The following LANCL1 variants were observed in gnomAD, a reference collection of about 807,000 sequenced individuals.
LANCL1 encodes the protein LanC like glutathione S-transferase 1, also known as glutathione S-transferase LANCL1.
LANCL1 carries 50 observed loss-of-function variants against 50.6 expected under a neutral mutation model. The ratio of observed to expected loss-of-function variants is 0.99; its 90% CI spans 0.79 to 1.25. The LOEUF (loss-of-function observed/expected upper bound fraction) is 1.25, where lower values mean the gene tolerates loss of function less well. Ranked by LOEUF, LANCL1 falls within the 50% of genes most tolerant of loss-of-function variation. LANCL1 has a pLI of 0.00. For missense variants in LANCL1, 532 were observed against 480.7 expected, an observed-to-expected ratio of 1.11 and a Z score of -1.00; for synonymous variants, 188 against 178.6, an observed-to-expected ratio of 1.05 and a Z score of -0.42.
At chr2:210,476,891 G>T (rs945934604), upstream of LANCL1, 2 of 805,514 alleles carry the variant, frequency 2.5e-6, no homozygotes, top group Non-Finnish European at 3.0e-6. Flanking sequence ...TAATTACTGG[G>T]TAGCAGAAGT....
intron 4 of LANCL1, among the ~76,000 whole-genome samples, chr2:210,448,242 T>G (rs1693404755): frequency 6.6e-6 from 1 of 152,220 alleles, no homozygotes; most frequent in African/African-American, 2.4e-5. Flanking sequence ...AACCTGCTCC[T>G]GAATGACTAC....
In LANCL1 at chr2:210,441,982, G is replaced by A. The variant is rs141419879; in HGVS notation, c.408-539C>T. ...TGCAATGGCGTGATCTCGGCTCACC[G>A]CAACCTCCGCCTCCCAGGTTTAAGT... On this transcript the variant is annotated intron_variant, in intron 4 of 9. Coordinates refer to ENST00000450366, the MANE Select transcript of LANCL1 (RefSeq NM_006055.3). Among the ~76,000 whole-genome samples the A allele has an allele frequency of 9.0e-4, 136 of 150,898 alleles. 4 individuals carry two copies. The East Asian group carries it at 0.018, about 21-fold the overall frequency.
rs1302525887 is a variant in LANCL1, at chr2:210,476,319, C to T, written c.78G>A (p.Gly26=). 6.2e-7 allele frequency: 1 copy of T among 1,612,668 alleles called. No homozygotes were observed. The highest frequency in any genetic ancestry group is 1.7e-5 in the Admixed American group (1 of 60,012). The change falls in exon 2 of 10, where the codon GGG becomes GGA. Residue 26 remains glycine, a synonymous_variant. Coordinates refer to ENST00000450366, the MANE Select transcript of LANCL1 (RefSeq NM_006055.3). ...SLAEGYFDAA[G]RLTPEFSQRL... is the part of the protein sequence containing the mutation. The stretch of plus-strand genomic sequence containing the variant: ...GGCAGACATATCCTAAACTCACCCT[C>T]CCGGCAGCATCAAAGTAGCCTTCGG...
chr2:210,448,939 G>A (rs942155395), intron 4 of LANCL1, among the ~76,000 whole-genome samples: 22 of 152,112 alleles, frequency 1.4e-4, no homozygotes, highest in Admixed American at 5.2e-4. Context: ...AGGAGGAGCT[G>A]GTACCATTCC....
chr2:210,454,601 A>G lies in LANCL1; in HGVS notation c.407+506T>C, dbSNP rs560144907. 9.9e-5 allele frequency among the ~76,000 whole-genome samples: 15 copies of G among 152,084 alleles called. No homozygotes were observed. The East Asian group carries it at 1.9e-3, about 20-fold the overall frequency. On this transcript the variant is annotated intron_variant, in intron 4 of 9. Transcript: ENST00000450366. ...GAAAGAGTGCTTAATAAACTCTGGT[A>G]AGGCAACAATTAAAGTCTATTAGTA...
chr2:210,435,608 T>C, intron 8 of LANCL1, 149 bp from the exon 9 acceptor site: 1 of 662,270 alleles, frequency 1.5e-6, no homozygotes. Flanking sequence ...AAGGATGGTT[T>C]GAAAGAGTAC....
chr2:210,434,283 G>A lies in LANCL1; in HGVS notation c.*204C>T. 1 of 500,304 alleles carries A rather than the reference G, an allele frequency of 2.0e-6. No homozygotes were observed. Among genetic ancestry groups the A allele is most frequent in the Non-Finnish European group, 3.5e-6 (1 of 282,340 alleles). 31.0% of individuals were successfully genotyped at this position (500,304 alleles called of 1,614,324 possible). On this transcript the variant is annotated 3_prime_UTR_variant, in exon 10 of 10. Coordinates refer to ENST00000450366, the MANE Select transcript of LANCL1 (RefSeq NM_006055.3). ...CCTTTAGGAAGAAATGGAAATTAAA[G>A]TTAAAAGACTTCCTTGGATACTTCT...
At position 210,434,425 on chromosome 2, in the gene LANCL1, T is replaced by A. The variant is rs1692848331; in HGVS notation, c.*62A>T. On this transcript the variant is annotated 3_prime_UTR_variant, in exon 10 of 10. Transcript: ENST00000450366. The stretch of plus-strand genomic sequence containing the variant: ...TTCCTTGGAAAGCAACGGAAGCACT[T>A]AGCTTGGGTTTGAATATACAGAAAG... The A allele has an allele frequency of 1.6e-6, 2 of 1,285,184 alleles. No homozygotes were observed. Among genetic ancestry groups the A allele is most frequent in the Non-Finnish European group, 2.2e-6 (2 of 902,806 alleles). 79.6% of individuals were successfully genotyped at this position (1,285,184 alleles called of 1,614,324 possible).
At position 210,439,349 on chromosome 2, in the gene LANCL1, G is replaced by A. The variant is rs188756948; in HGVS notation, c.690+1249C>T. ...ATTTGTTTCAATGAAAGTTTGATGAGGCTGTCTAGTCACTAACCAACTATG... is the reference window on the plus strand; with the variant it reads ...ATTTGTTTCAATGAAAGTTTGATGAAGCTGTCTAGTCACTAACCAACTATG... On this transcript the variant is annotated intron_variant, in intron 6 of 9. Transcript: ENST00000450366. Among the ~76,000 whole-genome samples, 194 of 152,274 alleles carry A rather than the reference G, an allele frequency of 1.3e-3. 1 individual carries two copies. The highest frequency in any genetic ancestry group is 4.5e-3 in the African/African-American group (188 of 41,556).
chr2:210,437,614 G>T, intron 7 of LANCL1, 76 bp downstream of exon 7: 1 of 836,464 alleles, frequency 1.2e-6, no homozygotes, highest in South Asian at 3.1e-5. Context: ...TTCCTTTATG[G>T]ATTAGGATAA....
intron 4 of LANCL1, among the ~76,000 whole-genome samples, chr2:210,447,430 T>C (rs1034765037): frequency 4.6e-5 from 7 of 152,178 alleles, no homozygotes; most frequent in Non-Finnish European, 1.0e-4. Context: ...ATTGACACTA[T>C]GAAGAAACTG....
At chr2:210,475,982 T>C (rs1016075241) in intron 2 of LANCL1, among the ~76,000 whole-genome samples, 3 of 152,218 alleles carry the variant, frequency 2.0e-5, no homozygotes, top group Admixed American at 6.5e-5. Flanking sequence ...CACATGTGAA[T>C]ACCGTTAGGA....
chr2:210,451,588 A>G (rs1159478575), intron 4 of LANCL1, among the ~76,000 whole-genome samples: 2 of 152,218 alleles, frequency 1.3e-5, no homozygotes, highest in Admixed American at 6.5e-5. Flanking sequence ...ATTTCCATCA[A>G]TTATCTCAAA....
Position 210,434,237 on chromosome 2 carries a change from C to G in LANCL1, c.*250G>C. The G allele has an allele frequency of 2.5e-6, 1 of 407,298 alleles. No individual in the cohort carries two copies. Among genetic ancestry groups the G allele is most frequent in the Non-Finnish European group, 4.4e-6 (1 of 227,550 alleles). 25.2% of individuals were successfully genotyped at this position (407,298 alleles called of 1,614,324 possible). A position where few individuals can be genotyped will look rare whatever the true frequency, so the allele number is the denominator to read the frequency against. On this transcript the variant is annotated 3_prime_UTR_variant, in exon 10 of 10. Transcript: ENST00000450366. ...AATATATGTATACAATCTCAAAACA[C>G]TGTACATATCACTCACTCTCCCTTT...
intron 7 of LANCL1, 143 bp from the exon 8 acceptor site, chr2:210,436,535 T>G (rs1406659340): frequency 2.6e-6 from 2 of 771,982 alleles, no homozygotes; most frequent in Non-Finnish European, 4.1e-6. Context: ...ATGTGTTATG[T>G]TGCTAGTGAC....
rs1168499086 is a variant in LANCL1, at chr2:210,431,254, A to G, written c.*3233T>C. On this transcript the variant is annotated 3_prime_UTR_variant, in exon 10 of 10. Coordinates refer to ENST00000450366, the MANE Select transcript of LANCL1 (RefSeq NM_006055.3). ...AAACAAAAAGCACATGATGATATAT[A>G]GTCCTAATAAAATTTTATTGAGAAC... The G allele has an allele frequency of 1.3e-5, 2 of 152,260 alleles. No homozygotes were observed. Among genetic ancestry groups the G allele is most frequent in the Non-Finnish European group, 2.9e-5 (2 of 68,050 alleles). 9.4% of individuals were successfully genotyped at this position (152,260 alleles called of 1,614,324 possible).
intron 4 of LANCL1, among the ~76,000 whole-genome samples, chr2:210,454,452 T>A (rs1398756233): frequency 6.6e-6 from 1 of 152,120 alleles, no homozygotes; most frequent in Non-Finnish European, 1.5e-5. Context: ...ATAGTGGGAA[T>A]CAAACACCAT....
At chr2:210,435,057 CA>C (rs1341632096) in intron 9 of LANCL1, among the ~76,000 whole-genome samples, 1 of 152,018 alleles carries the variant, frequency 6.6e-6, no homozygotes, top group Admixed American at 6.6e-5. Flanking sequence ...TGCCATTTAC[CA>C]AACATAAGCT....
chr2:210,476,499 C>A, intron 1 of LANCL1, 87 bp from the exon 2 acceptor site: 1 of 1,459,206 alleles, frequency 6.9e-7, no homozygotes, highest in Non-Finnish European at 9.1e-7. Flanking sequence ...AGGTATCCCC[C>A]TTCCTCCAGC....
Sources: allele counts gnomAD v4.1 joint callset (sites outside exome capture counted in the v4.1 genomes callset), GRCh38; gene constraint gnomAD v4.1.1; transcripts MANE v1.5; gene names NCBI Gene and HGNC (gene_info 2026-07-23, HGNC 2026-07-21).